RUFY4: variants seen among roughly 807,000 people sequenced by gnomAD.
RUFY4 encodes the protein RUN and FYVE domain-containing protein 4.
Under a neutral mutation model 69.0 loss-of-function variants are expected in RUFY4, and 73 were observed. The ratio of observed to expected loss-of-function variants is 1.06; its 90% confidence interval spans 0.88 to 1.29. The LOEUF (loss-of-function observed/expected upper bound fraction) is 1.29. RUFY4 is among the 50% of genes most tolerant of loss of function. The pLI is 0.00. For missense variants in RUFY4, 770 were observed against 705.6 expected (o/e 1.09, Z -1.03); for synonymous variants, 287 against 271.8 (o/e 1.06, Z -0.55).
intron 2 of RUFY4, among the ~76,000 whole-genome samples, chr2:218,047,445 C>G (rs1688854399): frequency 6.6e-6 from 1 of 151,896 alleles, no homozygotes; most frequent in Admixed American, 6.6e-5. Context: ...TATTCCGGAT[C>G]AATAAGTCAT....
chr2:218,056,137 A>G (rs73082348), intron 2 of RUFY4, among the ~76,000 whole-genome samples: 9,854 of 152,112 alleles, frequency 0.065, 1,025 homozygotes, highest in African/African-American at 0.22. Flanking sequence ...AACAGGTCTC[A>G]ATTTGATTTG....
intron 6 of RUFY4, among the ~76,000 whole-genome samples, 198 bp from the exon 9 acceptor site, chr2:218,074,895 A>G (rs893715678): frequency 7.2e-5 from 11 of 152,330 alleles, no homozygotes; most frequent in African/African-American, 2.6e-4. Context: ...CCCTCACCAG[A>G]CCAAAGCATG....
chr2:218,047,360 G>T (rs962788733), intron 2 of RUFY4, among the ~76,000 whole-genome samples: 1 of 151,816 alleles, frequency 6.6e-6, no homozygotes, highest in Admixed American at 6.6e-5. Context: ...CACAAATAAA[G>T]TTCTTCTTTC....
intron 8 of RUFY4, among the ~76,000 whole-genome samples, chr2:218,080,933 C>T (rs895974162): frequency 6.6e-6 from 1 of 152,128 alleles, no homozygotes; most frequent in African/African-American, 2.4e-5. Flanking sequence ...CAAGTGTCAC[C>T]CCCTCTCTGA....
chr2:218,073,102 A>G, intron 4 of RUFY4, 141 bp from the exon 7 acceptor site: 2 of 1,193,802 alleles, frequency 1.7e-6, no homozygotes, highest in Non-Finnish European at 2.3e-6. Context: ...CTGAAGGGCC[A>G]CAACTCTGCC....
At chr2:218,074,603 G>C (rs1002541391) in intron 6 of RUFY4, among the ~76,000 whole-genome samples, 3 of 152,202 alleles carry the variant, frequency 2.0e-5, no homozygotes. Context: ...CAGTGTAAGT[G>C]ACACAGAAAT....
At chr2:218,080,712 A>G (rs568438053) in intron 8 of RUFY4, among the ~76,000 whole-genome samples, 2 of 152,212 alleles carry the variant, frequency 1.3e-5, no homozygotes, top group Non-Finnish European at 2.9e-5. Flanking sequence ...CCTGCACAGC[A>G]GCACTGAGCT....
intron 8 of RUFY4, among the ~76,000 whole-genome samples, chr2:218,079,976 G>A (rs1170394046): frequency 1.3e-5 from 2 of 152,172 alleles, no homozygotes; most frequent in Admixed American, 1.3e-4. Context: ...ATTCAGACTG[G>A]GGTCCAGAAA....
upstream of RUFY4, among the ~76,000 whole-genome samples, chr2:218,065,993 A>G (rs1689315349): frequency 6.6e-6 from 1 of 151,874 alleles, no homozygotes; most frequent in Non-Finnish European, 1.5e-5. Context: ...GTGGGGCCAG[A>G]AGACTTGGGG....
At chr2:218,055,360 A>G (rs1171190961) in intron 2 of RUFY4, among the ~76,000 whole-genome samples, 1 of 151,368 alleles carries the variant, frequency 6.6e-6, no homozygotes, top group African/African-American at 2.4e-5. Context: ...GTGCCACTGC[A>G]CTCCAGCCTG....
chr2:218,054,674 C>G (rs1173707509), intron 2 of RUFY4, among the ~76,000 whole-genome samples: 3 of 151,664 alleles, frequency 2.0e-5, no homozygotes, highest in Admixed American at 2.0e-4. Context: ...AAATTGATTA[C>G]ATGAAATTGA....
intron 3 of RUFY4, among the ~76,000 whole-genome samples, chr2:218,062,274 C>T (rs962584817): frequency 2.0e-5 from 3 of 152,010 alleles, no homozygotes; most frequent in Non-Finnish European, 4.4e-5. Context: ...GGCATGGTGG[C>T]GGGCACCTGT....
intron 2 of RUFY4, among the ~76,000 whole-genome samples, chr2:218,039,878 C>A (rs570017005): frequency 3.3e-5 from 5 of 152,204 alleles, no homozygotes; most frequent in Non-Finnish European, 7.3e-5. Flanking sequence ...AAATCCCCAC[C>A]AGACTACCTC....
upstream of RUFY4, among the ~76,000 whole-genome samples, chr2:218,065,021 T>C (rs960458298): frequency 3.3e-5 from 5 of 152,048 alleles, no homozygotes; most frequent in African/African-American, 9.7e-5. Context: ...AAGTTCTGGA[T>C]TGGGGGTTGG....
In RUFY4 at chr2:218,035,743, G is replaced by A. The variant is rs974374538; in HGVS notation, c.-1158+349G>A. Among the ~76,000 whole-genome samples, 5 of 152,186 alleles carry A rather than the reference G, an allele frequency of 3.3e-5. No individual in the cohort carries two copies. In the East Asian group the frequency reaches 7.7e-4, roughly 23 times the overall value. ...GAGGAGAAGAGGATGAGATCCCCCA[G>A]GAGAGAGGCAGTATTAAAACCAGGC... On this transcript the variant is annotated intron_variant and NMD_transcript_variant, in intron 2 of 13. Transcript: ENST00000457754.
intron 3 of RUFY4, chr2:218,059,787 G>A (rs1043765649): frequency 6.0e-5 from 10 of 166,574 alleles, no homozygotes; most frequent in Non-Finnish European, 1.3e-4. Context: ...GAATATTGGT[G>A]TACAAATATG....
At chr2:218,047,133 A>G (rs932612321) in intron 2 of RUFY4, among the ~76,000 whole-genome samples, 2 of 152,046 alleles carry the variant, frequency 1.3e-5, no homozygotes, top group African/African-American at 4.8e-5. Flanking sequence ...GACAACATGA[A>G]GTACAAAAAG....
chr2:218,070,772 C>T (rs1339547175), exon 2 of RUFY4: 1 of 1,537,082 alleles, frequency 6.5e-7, no homozygotes, highest in East Asian at 2.4e-5. Context: ...CTGCCATCCT[C>T]CAGGGCTATG....
intron 6 of RUFY4, 22 bp from the exon 9 acceptor site, chr2:218,075,071 T>C: frequency 6.7e-7 from 1 of 1,489,818 alleles, no homozygotes; most frequent in South Asian, 1.4e-5. Flanking sequence ...GAGGGATGAC[T>C]GGTTTTGGGT....
Sources: gnomAD v4.1 joint callset for allele counts (sites outside exome capture counted in the v4.1 genomes callset) on GRCh38, gnomAD v4.1.1 for gene constraint, MANE v1.5 for transcripts, NCBI Gene and HGNC (gene_info 2026-07-23, HGNC 2026-07-21) for gene names.